Variants in RPH3A observed in about 807,000 individuals in gnomAD.
RPH3A encodes rabphilin 3A, also known as rabphilin-3A.
RPH3A carries 48 observed loss-of-function variants against 102.2 expected under a neutral mutation model. The ratio of observed to expected loss-of-function variants is 0.47; its 90% confidence interval spans 0.37 to 0.60. The LOEUF (loss-of-function observed/expected upper bound fraction) is 0.60. Ranked by LOEUF, RPH3A falls within the 20% of genes least tolerant of loss-of-function variation. The pLI, the probability that RPH3A is intolerant of heterozygous loss-of-function variation, is 0.00. For synonymous variants in RPH3A, 310 were observed against 324.3 expected, an observed-to-expected ratio of 0.96 and a Z score of 0.47; for missense variants, 781 against 910.1, an observed-to-expected ratio of 0.86 and a Z score of 1.83.
Position 112,660,633 on chromosome 12 carries a change from T to C in RPH3A, c.-140+85314T>C, listed in dbSNP as rs576011914. Among the ~76,000 whole-genome samples, 187 of 152,294 alleles carry C rather than the reference T, an allele frequency of 1.2e-3. 2 individuals are homozygous for C. Among genetic ancestry groups the C allele is most frequent in the Middle Eastern group, 3.4e-3 (1 of 292 alleles). On this transcript the variant is annotated intron_variant, in intron 1 of 21. Transcript: ENST00000543106. Reference sequence around the variant, plus strand: ...CCAGCAGTTTGAGGCTATACTGAGCTATGATTTCACAATTGCACTCCAGCC... The same window carrying C: ...CCAGCAGTTTGAGGCTATACTGAGCCATGATTTCACAATTGCACTCCAGCC...
intron 1 of RPH3A, among the ~76,000 whole-genome samples, chr12:112,639,588 A>G (rs1172221639): frequency 6.6e-6 from 1 of 152,150 alleles, no homozygotes; most frequent in Non-Finnish European, 1.5e-5. Flanking sequence ...GCAGCAAACC[A>G]CCATGGCACA....
intron 1 of RPH3A, among the ~76,000 whole-genome samples, chr12:112,683,538 G>A (rs1228693469): frequency 2.6e-5 from 4 of 152,162 alleles, no homozygotes; most frequent in Non-Finnish European, 4.4e-5. Flanking sequence ...TGAGGGACAG[G>A]AAGAGTGAAC....
chr12:112,591,397 C>T (rs568442650), intron 1 of RPH3A, among the ~76,000 whole-genome samples: 7 of 152,342 alleles, frequency 4.6e-5, no homozygotes, highest in Admixed American at 3.3e-4. Flanking sequence ...CCCTGCAGAG[C>T]GCCATTCTAT....
intron 1 of RPH3A, among the ~76,000 whole-genome samples, chr12:112,766,823 A>G (rs1462514487): frequency 6.6e-6 from 1 of 152,188 alleles, no homozygotes; most frequent in Non-Finnish European, 1.5e-5. Flanking sequence ...CTCCCTATGG[A>G]GCAGCATAGC....
intron 5 of RPH3A, among the ~76,000 whole-genome samples, chr12:112,854,092 G>A (rs926882626): frequency 6.6e-6 from 1 of 152,114 alleles, no homozygotes; most frequent in Admixed American, 6.6e-5. Flanking sequence ...TTATGTTTTG[G>A]GACAGATAAT....
intron 5 of RPH3A, among the ~76,000 whole-genome samples, chr12:112,853,819 CTG>C (rs1260210375): frequency 6.6e-6 from 1 of 150,500 alleles, no homozygotes; most frequent in Non-Finnish European, 1.5e-5. Context: ...CAGAGCAAGA[CTG>C]TCTAGAAAAA....
At chr12:112,886,455 CA>C (rs2043003360) in intron 16 of RPH3A, among the ~76,000 whole-genome samples, 1 of 151,732 alleles carries the variant, frequency 6.6e-6, no homozygotes. Context: ...GTGCAGTTCA[CA>C]ATAGGGTTTA....
chr12:112,838,546 CCCATGTTGGCA>C (rs1565911113), intron 4 of RPH3A, among the ~76,000 whole-genome samples: 1 of 152,120 alleles, frequency 6.6e-6, no homozygotes, highest in East Asian at 1.9e-4. Context: ...CAGACACCTG[CCCATGTTGGCA>C]TCCAAGGGGA....
intron 1 of RPH3A, among the ~76,000 whole-genome samples, chr12:112,727,350 C>A (rs1290854662): frequency 2.7e-5 from 4 of 148,146 alleles, no homozygotes; most frequent in Non-Finnish European, 4.5e-5. Flanking sequence ...GAGATTGCAT[C>A]ACTGCCCTCC....
intron 2 of RPH3A, among the ~76,000 whole-genome samples, chr12:112,811,153 G>T (rs989579786): frequency 6.6e-6 from 1 of 152,060 alleles, no homozygotes; most frequent in Admixed American, 6.6e-5. Context: ...TCAACTGATC[G>T]AATAGCCTTG....
intron 1 of RPH3A, among the ~76,000 whole-genome samples, chr12:112,733,789 G>A (rs1383398539): frequency 6.6e-6 from 1 of 152,172 alleles, no homozygotes; most frequent in Non-Finnish European, 1.5e-5. Flanking sequence ...AGCACAGAGT[G>A]GGCATGGCAG....
chr12:112,766,921 T>C (rs138336923), intron 1 of RPH3A, among the ~76,000 whole-genome samples: 1 of 152,220 alleles, frequency 6.6e-6, no homozygotes, highest in Non-Finnish European at 1.5e-5. Flanking sequence ...TTCCCAAACA[T>C]GTGTGGCTGG....
At chr12:112,711,310 C>A (rs374585337) in intron 1 of RPH3A, among the ~76,000 whole-genome samples, 10 of 152,152 alleles carry the variant, frequency 6.6e-5, no homozygotes, top group African/African-American at 2.4e-4. Flanking sequence ...ATAGTTTGTT[C>A]ACTTTGATCA....
intron 8 of RPH3A, 42 bp downstream of exon 8, chr12:112,868,637 C>A (rs1474827669): frequency 6.3e-7 from 1 of 1,588,780 alleles, no homozygotes; most frequent in African/African-American, 1.3e-5. Flanking sequence ...AAGGACAGAT[C>A]TTAGCCAACT....
chr12:112,849,615 C>T (rs1024895239), intron 5 of RPH3A, among the ~76,000 whole-genome samples: 2 of 152,154 alleles, frequency 1.3e-5, no homozygotes, highest in East Asian at 1.9e-4. Context: ...AAGTATTGTA[C>T]GTCTCTCCCC....
intron 1 of RPH3A, among the ~76,000 whole-genome samples, chr12:112,736,618 C>T (rs1324366862): frequency 1.3e-5 from 2 of 152,210 alleles, no homozygotes; most frequent in Non-Finnish European, 2.9e-5. Context: ...CAGTGACCAC[C>T]TCATGGGACT....
intron 1 of RPH3A, among the ~76,000 whole-genome samples, chr12:112,721,510 A>G (rs892282764): frequency 6.6e-6 from 1 of 152,234 alleles, no homozygotes; most frequent in East Asian, 1.9e-4. Flanking sequence ...CTATTAGAAA[A>G]CATTAATGTA....
At chr12:112,851,688 T>C (rs1329606553) in intron 5 of RPH3A, among the ~76,000 whole-genome samples, 1 of 152,180 alleles carries the variant, frequency 6.6e-6, no homozygotes, top group East Asian at 1.9e-4. Context: ...AGGAGGAATC[T>C]AAATCTTCAC....
At chr12:112,888,714 A>C (rs1371014988) in intron 17 of RPH3A, among the ~76,000 whole-genome samples, 1 of 152,248 alleles carries the variant, frequency 6.6e-6, no homozygotes, top group African/African-American at 2.4e-5. Context: ...CTTTGAGAAA[A>C]TAGCAAGGAT....
Sources: allele counts gnomAD v4.1 joint callset (sites outside exome capture counted in the v4.1 genomes callset), GRCh38; gene constraint gnomAD v4.1.1; transcripts MANE v1.5; gene names NCBI Gene and HGNC (gene_info 2026-07-23, HGNC 2026-07-21).